Variants in EEIG1 observed in about 807,000 individuals in gnomAD.
The protein encoded by EEIG1 is estrogen-induced osteoclastogenesis regulator 1.
At chr9:127,957,392 A>T in the EEIG1 span, among the ~76,000 whole-genome samples, 1 of 151,804 alleles carries the variant, frequency 6.6e-6, no homozygotes, top group Non-Finnish European at 1.5e-5. Flanking sequence ...AAAAAAATAC[A>T]TAGGAATAAA....
At chr9:127,940,643 G>A in the EEIG1 span, 3 of 152,142 alleles carry the variant, frequency 2.0e-5, no homozygotes, top group South Asian at 6.2e-4. Context: ...ACTAGCCTGA[G>A]TTCCCCTAAC....
the EEIG1 span, among the ~76,000 whole-genome samples, chr9:127,957,683 C>A: frequency 6.6e-6 from 1 of 152,222 alleles, no homozygotes; most frequent in East Asian, 1.9e-4. Context: ...TTTAAAAATT[C>A]ACGCTTTTGA....
the EEIG1 span, among the ~76,000 whole-genome samples, chr9:127,964,049 G>A: frequency 4.2e-4 from 64 of 152,298 alleles, no homozygotes; most frequent in Non-Finnish European, 6.8e-4. Flanking sequence ...GCACAGGGAA[G>A]ACCCAGAAGG....
chr9:127,944,968 CAAT>C, the EEIG1 span: 2 of 1,546,130 alleles, frequency 1.3e-6, no homozygotes, highest in Non-Finnish European at 8.8e-7. Context: ...AGAACGACGA[CAAT>C]AATGCCAGTC....
At chr9:127,980,823 CCTCCTCGATCCTGGGACCCG>C in the EEIG1 span, among the ~76,000 whole-genome samples, 1 of 149,434 alleles carries the variant, frequency 6.7e-6, no homozygotes, top group Non-Finnish European at 1.5e-5. Flanking sequence ...GGCGCCGCCT[CCTCCTCGATCCTGGGACCCG>C]CGCCGCGGGC....
chr9:127,959,504 C>G, the EEIG1 span, among the ~76,000 whole-genome samples: 16 of 152,176 alleles, frequency 1.1e-4, no homozygotes, highest in South Asian at 1.2e-3. Context: ...TGGTCTGGCT[C>G]TGTGTCCTCA....
At chr9:127,978,911 G>A in the EEIG1 span, among the ~76,000 whole-genome samples, 10 of 152,122 alleles carry the variant, frequency 6.6e-5, no homozygotes, top group Non-Finnish European at 1.5e-4. Flanking sequence ...CAGCTATTCA[G>A]GAGACTGAGA....
At chr9:127,948,742 A>G in the EEIG1 span, among the ~76,000 whole-genome samples, 1 of 152,358 alleles carries the variant, frequency 6.6e-6, no homozygotes. Flanking sequence ...TCCATGGTGA[A>G]GCCACACACT....
chr9:127,955,472 A>C, the EEIG1 span, among the ~76,000 whole-genome samples: 3 of 152,218 alleles, frequency 2.0e-5, no homozygotes, highest in Non-Finnish European at 2.9e-5. Flanking sequence ...GGCGAGGAGA[A>C]CCTGTGGTGT....
chr9:127,974,836 A>G, the EEIG1 span, among the ~76,000 whole-genome samples: 1 of 152,200 alleles, frequency 6.6e-6, no homozygotes, highest in Non-Finnish European at 1.5e-5. Context: ...AAAGTGGAAC[A>G]GGCACACGTG....
At chr9:127,972,222 G>A in the EEIG1 span, among the ~76,000 whole-genome samples, 351 of 152,268 alleles carry the variant, frequency 2.3e-3, no homozygotes, top group Non-Finnish European at 3.6e-3. This position sits in a 1 kb window ranked among gnomAD's most constrained non-coding sequence, Gnocchi z 4.3. Context: ...TGTGGGGCAA[G>A]TTCAAGCCAA....
chr9:127,962,057 C>G, the EEIG1 span, among the ~76,000 whole-genome samples: 3 of 152,180 alleles, frequency 2.0e-5, no homozygotes, highest in African/African-American at 4.8e-5. Flanking sequence ...CGATGGCACC[C>G]AGCAGGCAAC....
At chr9:127,955,366 C>G in the EEIG1 span, among the ~76,000 whole-genome samples, 1 of 152,242 alleles carries the variant, frequency 6.6e-6, no homozygotes, top group African/African-American at 2.4e-5. Flanking sequence ...GCTCATATCC[C>G]CAGTGATTGG....
the EEIG1 span, chr9:127,948,340 C>G: frequency 6.2e-7 from 1 of 1,613,918 alleles, no homozygotes; most frequent in East Asian, 2.2e-5. Flanking sequence ...GGCTCCCATC[C>G]GCTCCCTAGG....
chr9:127,945,026 C>G, the EEIG1 span: 104 of 1,146,380 alleles, frequency 9.1e-5, no homozygotes, highest in South Asian at 1.5e-3. This position sits in a 1 kb window ranked among gnomAD's most constrained non-coding sequence, Gnocchi z 6.5. Context: ...CCGTGCTGTA[C>G]TTCACTGAAA....
the EEIG1 span, among the ~76,000 whole-genome samples, chr9:127,963,903 C>T: frequency 6.6e-6 from 1 of 152,204 alleles, no homozygotes; most frequent in Non-Finnish European, 1.5e-5. Context: ...GGAGAAGGAG[C>T]TACAAGGGCG....
chr9:127,963,381 C>T, the EEIG1 span, among the ~76,000 whole-genome samples: 1 of 152,246 alleles, frequency 6.6e-6, no homozygotes, highest in Non-Finnish European at 1.5e-5. Context: ...CCTCCCGGGC[C>T]TGGGGTTGCA....
At chr9:127,980,032 G>T in the EEIG1 span, 1 of 1,613,588 alleles carries the variant, frequency 6.2e-7, no homozygotes, top group South Asian at 1.1e-5. Context: ...TCCAGCAGCC[G>T]GACCTTGCAG....
chr9:127,958,428 G>A, the EEIG1 span, among the ~76,000 whole-genome samples: 1 of 152,116 alleles, frequency 6.6e-6, no homozygotes, highest in Non-Finnish European at 1.5e-5. Flanking sequence ...ACTTTCGGAG[G>A]CCAAGGTGGG....
Sources: allele counts gnomAD v4.1 joint callset (sites outside exome capture counted in the v4.1 genomes callset), GRCh38; gene constraint gnomAD v4.1.1; non-coding constraint Gnocchi (gnomAD v3.1); transcripts MANE v1.5; gene names NCBI Gene and HGNC (gene_info 2026-07-23, HGNC 2026-07-21).